ARHGAP33: variants seen among roughly 807,000 people sequenced by gnomAD.
The protein encoded by ARHGAP33 is rho GTPase-activating protein 33.
Under a neutral mutation model 126.2 loss-of-function variants are expected in ARHGAP33, and 57 were observed. That is an observed-to-expected ratio of 0.45 (90% CI 0.36 to 0.56). The LOEUF (loss-of-function observed/expected upper bound fraction) is 0.56. ARHGAP33 is among the 20% of genes least tolerant of loss of function. The probability of loss-of-function intolerance (pLI) is 0.00; values close to 1 mark genes in which losing one functional copy is unlikely to be tolerated. For missense variants in ARHGAP33, 1,500 were observed against 1,748.3 expected, an observed-to-expected ratio of 0.86 and a Z score of 2.53; for synonymous variants, 711 against 755.0, an observed-to-expected ratio of 0.94 and a Z score of 0.95.
In ARHGAP33 at chr19:35,788,069, C is replaced by A. The variant is rs1042765865; in HGVS notation, c.3504C>A (p.Leu1168=). 2 of 1,611,928 alleles carry A rather than the reference C, an allele frequency of 1.2e-6. No individual in the cohort carries two copies. The highest frequency in any genetic ancestry group is 1.7e-6 in the Non-Finnish European group (2 of 1,179,308). The change falls in exon 21 of 21, where the codon CTC becomes CTA. Residue 1168 remains leucine, a synonymous_variant. Coordinates refer to ENST00000007510, the MANE Select transcript of ARHGAP33 (RefSeq NM_001366178.1). The stretch of plus-strand genomic sequence containing the variant: ...GGCGCCCTACACCGCCTGAGCCCCT[C>A]TACGTCAACCTAGCTCTAGGGCCCA... ...PARRPTPPEP[L]YVNLALGPRG...
In ARHGAP33 at chr19:35,782,130, C is replaced by T. The variant is rs985591717; in HGVS notation, c.1086-243C>T. ...GGAGTCAGACAGTCTTGGGTAGCTG[C>T]AGGCAGAGGCACCTCTGTCTGAGCC... On this transcript the variant is annotated intron_variant, in intron 12 of 20. Coordinates refer to ENST00000007510, the MANE Select transcript of ARHGAP33 (RefSeq NM_001366178.1). The surrounding 1 kb of genome is among the most constrained non-coding windows in gnomAD (Gnocchi z 4.1). Among the ~76,000 whole-genome samples the T allele has an allele frequency of 2.6e-5, 4 of 152,200 alleles. No homozygotes were observed. Among genetic ancestry groups the T allele is most frequent in the African/African-American group, 7.2e-5 (3 of 41,442 alleles).
Position 35,786,951 on chromosome 19 carries a change from C to T in ARHGAP33, c.2481C>T (p.Ser827=). ...PASATPTPAL[S]PGRSLRPHLI... is the part of the protein sequence containing the mutation. ...CAGCCACCCCAACACCAGCTCTCAG[C>T]CCCGGCCGGAGCCTGCGCCCCCATC... Residue 827 remains serine, a synonymous_variant, in exon 20 of 21, where the codon AGC becomes AGT. Transcript: ENST00000007510. The surrounding 1 kb of genome is among the most constrained non-coding windows in gnomAD (Gnocchi z 7.0). 2.5e-6 allele frequency: 4 copies of T among 1,610,826 alleles called. No homozygotes were observed. The highest frequency in any genetic ancestry group is 3.4e-6 in the Non-Finnish European group (4 of 1,179,466).
rs748349152 is a variant in ARHGAP33, at chr19:35,785,273, T to A, written c.1806T>A (p.Ser602Arg). ...TCTTTGCACTGGGCCGGGGCCCCAG[T>A]GTCCCTCGAAAGAAGCCCCTGCCCT... The part of the protein sequence containing the change: ...KTFFALGRGP[S>R]VPRKKPLPWL... Residue 602 changes from serine (S) to arginine (R), a missense_variant, in exon 18 of 21, where the codon AGT becomes AGA. This residue lies in a region of ARHGAP33 where 300 missense variants were observed against 291.1 expected (regional missense o/e 1.03). Transcript: ENST00000007510. 3 of 1,597,828 alleles carry A rather than the reference T, an allele frequency of 1.9e-6. No individual in the cohort carries two copies. Among genetic ancestry groups the A allele is most frequent in the Non-Finnish European group, 2.6e-6 (3 of 1,171,948 alleles).
intron 6 of ARHGAP33, among the ~76,000 whole-genome samples, chr19:35,779,572 G>C (rs1203983678): frequency 6.6e-6 from 1 of 152,164 alleles, no homozygotes; most frequent in Non-Finnish European, 1.5e-5. Context: ...TGGGATTACA[G>C]GCATGTGCCA....
Position 35,777,715 on chromosome 19 carries a change from C to T in ARHGAP33, c.77C>T (p.Pro26Leu). 1 of 1,607,984 alleles carries T rather than the reference C, an allele frequency of 6.2e-7. No homozygotes were observed. The highest frequency in any genetic ancestry group is 8.5e-7 in the Non-Finnish European group (1 of 1,177,238). ...CAGCCTCTACCCACTGCTGGGGGGC[C>T]CAGTGTGAAGGGGAAGCCTGGGAAG... The part of the protein sequence containing the change: ...SVQPLPTAGG[P>L]SVKGKPGKRL... Residue 26 changes from proline (P) to leucine (L), a missense_variant, in exon 2 of 21, where the codon CCC becomes CTC. By Grantham distance (98) the Pro-to-Leu change is moderately conservative. Around this residue, in one of 6 missense-constraint regions of ARHGAP33, gnomAD observed 129 missense variants for 145.9 expected, o/e 0.88. Transcript: ENST00000007510.
rs1356990162 is a variant in ARHGAP33, at chr19:35,784,989, G to A, written c.1604G>A (p.Gly535Asp). 1 of 1,545,998 alleles carries A rather than the reference G, an allele frequency of 6.5e-7. No individual in the cohort carries two copies. Among genetic ancestry groups the A allele is most frequent in the South Asian group, 1.2e-5 (1 of 83,984 alleles). The change falls in exon 17 of 21, where the codon GGC (glycine) becomes GAC (aspartate). Residue 535 changes from glycine (G) to aspartate (D), a missense_variant. Coordinates refer to ENST00000007510, the MANE Select transcript of ARHGAP33 (RefSeq NM_001366178.1). ...CTCCCCAGGCCCAAGTCCCTTGCGG[G>A]CAGCTGCCCCTCCACCCGCCTGCTG... Reference protein sequence around the residue: ...CLLPRPKSLAGSCPSTRLLTL... With the variant: ...CLLPRPKSLADSCPSTRLLTL...
chr19:35,787,142 G>A (rs1972159569), intron 20 of ARHGAP33, 26 bp from the exon 21 acceptor site: 3 of 1,606,730 alleles, frequency 1.9e-6, no homozygotes, highest in Non-Finnish European at 2.5e-6. Flanking sequence ...GGCCCCAGCT[G>A]AACCCCTCTC....
intron 6 of ARHGAP33, chr19:35,779,995 G>A (rs1971666010): frequency 1.4e-6 from 1 of 689,928 alleles, no homozygotes; most frequent in African/African-American, 1.8e-5. Context: ...CATGTGAGGG[G>A]AAATAAAGGG....
rs1402987218 is a variant in ARHGAP33, at chr19:35,784,171, G to A, written c.1422-1G>A. ...GCCTCCCTCCCGCTCCTCCCACCCA[G>A]GTCCATGGAGCTGGAGTCAGTGGGA... On this transcript the variant is annotated splice_acceptor_variant, in intron 15 of 20. Transcript: ENST00000007510. LOFTEE classifies it high-confidence loss of function. 6.2e-7 allele frequency: 1 copy of A among 1,609,832 alleles called. No homozygotes were observed.
In ARHGAP33 at chr19:35,787,450, G is replaced by T. The variant is rs1222123112; in HGVS notation, c.2885G>T (p.Trp962Leu). 1.9e-6 allele frequency: 3 copies of T among 1,612,122 alleles called. No homozygotes were observed. In the African/African-American group the frequency reaches 4.0e-5, roughly 22 times the overall value. Reference sequence around the variant, plus strand: ...AACTCCCTAGCACACCCGGGTGCCTGGGTCCCGGGACCCCCACCCTACTTA... The same window carrying T: ...AACTCCCTAGCACACCCGGGTGCCTTGGTCCCGGGACCCCCACCCTACTTA... ...PPNSLAHPGA[W>L]VPGPPPYLPR... Residue 962 changes from tryptophan (W) to leucine (L), a missense_variant, in exon 21 of 21, where the codon TGG (tryptophan) becomes TTG (leucine). Around this residue, in one of 6 missense-constraint regions of ARHGAP33, gnomAD observed 642 missense variants for 634.0 expected, o/e 1.01. Transcript: ENST00000007510.
rs370630809 is a variant in ARHGAP33, at chr19:35,787,071, C to A, written c.2601C>A (p.Leu867=). Reference sequence around the variant, plus strand: ...AGCTCCGGGGAGCCCAGGGCCCACTCGGTGAGTCCTCAGCCTACCCCACCC... The same window carrying A: ...AGCTCCGGGGAGCCCAGGGCCCACTAGGTGAGTCCTCAGCCTACCCCACCC... ...CSKLRGAQGP[L]GPDMESPLPP... Residue 867 remains leucine, a splice_region_variant and synonymous_variant, in exon 20 of 21, where the codon CTC becomes CTA. Transcript: ENST00000007510. 1 of 1,601,800 alleles carries A rather than the reference C, an allele frequency of 6.2e-7. No homozygotes were observed. Among genetic ancestry groups the A allele is most frequent in the Admixed American group, 1.7e-5 (1 of 58,546 alleles).
chr19:35,779,282 G>T, intron 6 of ARHGAP33, 158 bp downstream of exon 6: 2 of 610,498 alleles, frequency 3.3e-6, no homozygotes, highest in South Asian at 2.0e-5. Context: ...GCCTGTGAGA[G>T]AATGTGTGTG....
rs779385362 is a variant in ARHGAP33, at chr19:35,787,511, C to T, written c.2946C>T (p.Ser982=). The T allele has an allele frequency of 6.2e-6, 10 of 1,612,070 alleles. No homozygotes were observed. Among genetic ancestry groups the T allele is most frequent in the Non-Finnish European group, 8.5e-6 (10 of 1,179,606 alleles). Residue 982 remains serine, a synonymous_variant, in exon 21 of 21, where the codon AGC becomes AGT. Transcript: ENST00000007510. ...AAAGTGATGGGAGCCTGCTGAGGAGCCAGCGGCCCATGGGGACCTCAAGGA... is the reference window on the plus strand; with the variant it reads ...AAAGTGATGGGAGCCTGCTGAGGAGTCAGCGGCCCATGGGGACCTCAAGGA... The part of the protein sequence containing the change: ...RQQSDGSLLR[S]QRPMGTSRRG...
chr19:35,785,758 A>G, intron 19 of ARHGAP33: 2 of 1,283,534 alleles, frequency 1.6e-6, no homozygotes, highest in East Asian at 4.0e-5. Context: ...ATGGACACCC[A>G]TGAACCCAGC....
At position 35,780,255 on chromosome 19, in the gene ARHGAP33, A is replaced by G; in HGVS notation, c.546A>G (p.Ser182=). 6.2e-7 allele frequency: 1 copy of G among 1,613,898 alleles called. No homozygotes were observed. Among genetic ancestry groups the G allele is most frequent in the Non-Finnish European group, 8.5e-7 (1 of 1,179,998 alleles). The change falls in exon 7 of 21, where the codon TCA becomes TCG. Residue 182 remains serine, a synonymous_variant. Coordinates refer to ENST00000007510, the MANE Select transcript of ARHGAP33 (RefSeq NM_001366178.1). The stretch of plus-strand genomic sequence containing the variant: ...GACTGCTCCTCAGTGAGGAGGCGTC[A>G]CTCAATATCCCTGCAGTGGCGGCCG... ...GRRLLLSEEA[S]LNIPAVAAAH...
Position 35,782,705 on chromosome 19 carries a change from C to A in ARHGAP33, c.1313+26C>A. Reference sequence around the variant, plus strand: ...GTAAACCAGGAGGGGCAGGGCGGGACTTGGTGGGATTCCAAGGGGGTTGAG... The same window carrying A: ...GTAAACCAGGAGGGGCAGGGCGGGAATTGGTGGGATTCCAAGGGGGTTGAG... On this transcript the variant is annotated intron_variant, in intron 14 of 20. Transcript: ENST00000007510. This position sits in a 1 kb window ranked among gnomAD's most constrained non-coding sequence, Gnocchi z 4.1. The A allele has an allele frequency of 2.5e-6, 4 of 1,610,966 alleles. No homozygotes were observed. The highest frequency in any genetic ancestry group is 3.4e-6 in the Non-Finnish European group (4 of 1,178,630).
intron 17 of ARHGAP33, 28 bp from the exon 18 acceptor site, chr19:35,785,161 G>A (rs973238908): frequency 1.0e-5 from 16 of 1,578,096 alleles, no homozygotes; most frequent in African/African-American, 5.4e-5. Context: ...TTCCTCAGAC[G>A]GCCTCCTGTT....
intron 5 of ARHGAP33, 119 bp downstream of exon 5, chr19:35,778,720 A>G (rs903856657): frequency 1.5e-6 from 2 of 1,325,314 alleles, no homozygotes; most frequent in Non-Finnish European, 2.0e-6. Context: ...AGTCCCAACC[A>G]ATCTGAATGA....
chr19:35,786,469 G>A lies in ARHGAP33; in HGVS notation c.1999G>A (p.Val667Met). 8 of 1,535,870 alleles carry A rather than the reference G, an allele frequency of 5.2e-6. No individual in the cohort carries two copies. Among genetic ancestry groups the A allele is most frequent in the Middle Eastern group, 1.7e-4 (1 of 5,986 alleles). Residue 667 changes from valine (V) to methionine (M), a missense_variant, in exon 20 of 21, where the codon GTG (valine) becomes ATG (methionine). By Grantham distance (21) the Val-to-Met change is conservative. This residue lies in a region of ARHGAP33 where 300 missense variants were observed against 291.1 expected (regional missense o/e 1.03). Coordinates refer to ENST00000007510, the MANE Select transcript of ARHGAP33 (RefSeq NM_001366178.1). The surrounding 1 kb of genome is among the most constrained non-coding windows in gnomAD (Gnocchi z 7.0). ...CCACTCCAGCAGCGACGCTTTCCCT[G>A]TGGGCCCAGCACCTGCTGGCTCCTG... ...RPHSSSDAFP[V>M]GPAPAGSCES... is the part of the protein sequence containing the mutation.
Sources: allele counts gnomAD v4.1 joint callset (sites outside exome capture counted in the v4.1 genomes callset), GRCh38; gene constraint gnomAD v4.1.1; regional missense constraint gnomAD v4.1.1; non-coding constraint Gnocchi (gnomAD v3.1); transcripts MANE v1.5; gene names NCBI Gene and HGNC (gene_info 2026-07-23, HGNC 2026-07-21).